TGIF1: variants seen among roughly 807,000 people sequenced by gnomAD.
TGIF1 encodes TGFB induced factor homeobox 1, also known as homeobox protein TGIF1.
A neutral mutation model predicts 19.3 loss-of-function variants in TGIF1; 4 were observed. That is an observed-to-expected ratio of 0.21 (90% confidence interval 0.10 to 0.47). The LOEUF (loss-of-function observed/expected upper bound fraction) is 0.47, where lower values mean the gene tolerates loss of function less well. Ranked by LOEUF, TGIF1 falls within the 20% of genes least tolerant of loss-of-function variation. The pLI, the probability that TGIF1 is intolerant of heterozygous loss-of-function variation, is 0.98. For synonymous variants in TGIF1, 122 were observed against 129.3 expected (o/e 0.94, Z 0.38); for missense variants, 275 against 341.4 (o/e 0.81, Z 1.53).
intron 2 of TGIF1, among the ~76,000 whole-genome samples, chr18:3,442,603 C>G (rs1326073179): frequency 2.0e-5 from 3 of 152,050 alleles, no homozygotes; most frequent in Non-Finnish European, 4.4e-5. Flanking sequence ...AAGTTATGAA[C>G]AGGATTGTGC....
chr18:3,424,090 T>C (rs1428777008), intron 2 of TGIF1, among the ~76,000 whole-genome samples: 4 of 152,176 alleles, frequency 2.6e-5, no homozygotes, highest in African/African-American at 7.2e-5. Flanking sequence ...TTCATGTTTA[T>C]TTGGGTCTAT....
chr18:3,454,822 T>C (rs751590828), intron 1 of TGIF1, among the ~76,000 whole-genome samples: 3 of 152,232 alleles, frequency 2.0e-5, no homozygotes, highest in Non-Finnish European at 2.9e-5. Flanking sequence ...GTTAGAACTT[T>C]ACTTTGTCTT....
intron 2 of TGIF1, among the ~76,000 whole-genome samples, chr18:3,437,966 C>A (rs897638550): frequency 6.6e-6 from 1 of 152,030 alleles, no homozygotes; most frequent in East Asian, 1.9e-4. Flanking sequence ...CGCTTGTAAT[C>A]CCAGCCACTT....
At chr18:3,437,998 C>T (rs1471216863) in intron 2 of TGIF1, among the ~76,000 whole-genome samples, 1 of 151,876 alleles carries the variant, frequency 6.6e-6, no homozygotes, top group Admixed American at 6.6e-5. Context: ...GCAGGAGAAT[C>T]GCTTGAACCC....
In TGIF1 at chr18:3,457,695, G is replaced by A; in HGVS notation, c.574G>A (p.Val192Ile). ...KDVPFSLCQS[V>I]GVGQNTDIQQ... ...TGTCCCTTTCTCTCTCTGCCAGTCG[G>A]TCGGTGTGGGACAAAACACAGATAT... Residue 192 changes from valine to isoleucine, a missense_variant, in exon 3 of 3, where the codon GTC (valine) becomes ATC (isoleucine). Physicochemically the swap from Val to Ile is conservative, Grantham distance 29. Coordinates refer to ENST00000343820, the MANE Select transcript of TGIF1 (RefSeq NM_003244.4). The surrounding 1 kb of genome is among the most constrained non-coding windows in gnomAD (Gnocchi z 4.9). The A allele has an allele frequency of 6.2e-7, 1 of 1,614,234 alleles. No individual in the cohort carries two copies. The highest frequency in any genetic ancestry group is 8.5e-7 in the Non-Finnish European group (1 of 1,180,054).
chr18:3,442,790 T>C (rs1455217090), intron 2 of TGIF1, among the ~76,000 whole-genome samples: 1 of 152,076 alleles, frequency 6.6e-6, no homozygotes, highest in African/African-American at 2.4e-5. Context: ...GAAATAAAAA[T>C]GACTAATACA....
chr18:3,450,621 G>T, intron 1 of TGIF1, 116 bp downstream of exon 1: 1 of 1,538,024 alleles, frequency 6.5e-7, no homozygotes, highest in South Asian at 1.2e-5. Flanking sequence ...CTCTCATGCT[G>T]GAGTGGCGGC....
chr18:3,417,875 G>A (rs994040668), intron 1 of TGIF1, among the ~76,000 whole-genome samples: 1 of 152,138 alleles, frequency 6.6e-6, no homozygotes, highest in African/African-American at 2.4e-5. Context: ...AAGGTAGGAA[G>A]ATCCCTTGAG....
chr18:3,447,585 C>A, upstream of TGIF1: 1 of 858,458 alleles, frequency 1.2e-6, no homozygotes, highest in Non-Finnish European at 1.9e-6. Flanking sequence ...ACCAAGAATC[C>A]GAAACTCCAA....
chr18:3,457,221 A>G lies in TGIF1; in HGVS notation c.244-144A>G. ...TTCTTGGCGGAGCTCAGATACCTTG[A>G]AATAACATTGTAAATTCAGATAAGG... On this transcript the variant is annotated intron_variant, in intron 2 of 2. Coordinates refer to ENST00000343820, the MANE Select transcript of TGIF1 (RefSeq NM_003244.4). This position sits in a 1 kb window ranked among gnomAD's most constrained non-coding sequence, Gnocchi z 4.9. The G allele has an allele frequency of 1.0e-6, 1 of 958,410 alleles. No individual in the cohort carries two copies. The highest frequency in any genetic ancestry group is 1.4e-5 in the South Asian group (1 of 69,448). 59.4% of individuals were successfully genotyped at this position (958,410 alleles called of 1,614,324 possible).
intron 2 of TGIF1, among the ~76,000 whole-genome samples, chr18:3,422,667 G>GTTAA (rs2082415880): frequency 6.0e-3 from 11 of 1,832 alleles, no homozygotes; most frequent in East Asian, 0.027. Flanking sequence ...GCCCTATATA[G>GTTAA]GTGGCCTTTT....
chr18:3,455,622 A>T (rs1332374111), intron 1 of TGIF1: 1 of 152,620 alleles, frequency 6.6e-6, no homozygotes, highest in African/African-American at 2.4e-5. Context: ...TAGTAGAAAA[A>T]TATTTTTGTG....
intron 2 of TGIF1, among the ~76,000 whole-genome samples, chr18:3,444,499 T>C (rs918746585): frequency 6.6e-6 from 1 of 152,170 alleles, no homozygotes; most frequent in South Asian, 2.1e-4. Flanking sequence ...TTTCCTTCTT[T>C]GTGTTCGTAA....
At chr18:3,444,977 CT>C (rs2082721478) in intron 2 of TGIF1, among the ~76,000 whole-genome samples, 1 of 152,184 alleles carries the variant, frequency 6.6e-6, no homozygotes. Context: ...ATGGAGACAT[CT>C]GTGTTTGTCA....
rs1360069946 is a variant in TGIF1 at position 3,457,789 on chromosome 18, G to A, written c.668G>A (p.Gly223Glu). The A allele has an allele frequency of 6.2e-7, 1 of 1,613,768 alleles. No individual in the cohort carries two copies. The highest frequency in any genetic ancestry group is 8.5e-7 in the Non-Finnish European group (1 of 1,180,028). Residue 223 changes from glycine (G) to glutamate (E), a missense_variant, in exon 3 of 3, where the codon GGA (glycine) becomes GAA (glutamate). Coordinates refer to ENST00000343820, the MANE Select transcript of TGIF1 (RefSeq NM_003244.4). The surrounding 1 kb of genome is among the most constrained non-coding windows in gnomAD (Gnocchi z 4.9). ...LMYPEDTCKS[G>E]PSTNTQSGLF... is the part of the protein sequence containing the mutation. ...TACCCAGAGGACACTTGTAAATCTG[G>A]ACCAAGTACGAATACACAGAGTGGT...
chr18:3,430,671 AT>A (rs759165103), intron 2 of TGIF1, among the ~76,000 whole-genome samples: 3,412 of 130,338 alleles, frequency 0.026, 45 homozygotes, highest in South Asian at 0.035. Flanking sequence ...CACCCGGCTA[AT>A]TTTTTTTTTT....
chr18:3,443,089 T>A (rs2082694843), intron 2 of TGIF1, among the ~76,000 whole-genome samples: 1 of 152,212 alleles, frequency 6.6e-6, no homozygotes, highest in Non-Finnish European at 1.5e-5. Flanking sequence ...CCAAAAGATC[T>A]GCATACAAAC....
At chr18:3,440,067 T>C (rs1285094984) in intron 2 of TGIF1, among the ~76,000 whole-genome samples, 2 of 151,314 alleles carry the variant, frequency 1.3e-5, no homozygotes, top group Admixed American at 1.3e-4. Flanking sequence ...ATTTCACCCT[T>C]GAAAAGGAGC....
upstream of TGIF1, chr18:3,450,052 C>G (rs2082850902): frequency 9.9e-7 from 1 of 1,006,462 alleles, no homozygotes; most frequent in Non-Finnish European, 1.2e-6. Flanking sequence ...GCGCTCGGTC[C>G]AGTCTTCCCG....
Sources: allele counts gnomAD v4.1 joint callset (sites outside exome capture counted in the v4.1 genomes callset), GRCh38; gene constraint gnomAD v4.1.1; non-coding constraint Gnocchi (gnomAD v3.1); transcripts MANE v1.5; gene names NCBI Gene and HGNC (gene_info 2026-07-23, HGNC 2026-07-21).